The following TRPM1 variants were observed in gnomAD, a reference collection of about 807,000 sequenced individuals.
TRPM1 encodes transient receptor potential cation channel subfamily M member 1, also known as TRPM1-203 APA Isoform, Intron 10.
TRPM1 carries 113 observed loss-of-function variants against 149.4 expected under a neutral mutation model. The ratio of observed to expected loss-of-function variants is 0.76; its 90% CI spans 0.65 to 0.88. The LOEUF is 0.88. Ranked by LOEUF, TRPM1 falls within the 40% of genes least tolerant of loss-of-function variation. The probability of loss-of-function intolerance (pLI) is 0.00; values close to 1 mark genes in which losing one functional copy is unlikely to be tolerated. For synonymous variants in TRPM1, 741 were observed against 759.5 expected (o/e 0.98, Z 0.40); for missense variants, 1,976 against 2,038.7 (o/e 0.97, Z 0.59).
intron 1 of TRPM1, among the ~76,000 whole-genome samples, chr15:31,123,906 TTCA>T (rs3079757): frequency 0.56 from 84,254 of 151,788 alleles, 24,565 homozygotes; most frequent in African/African-American, 0.7. Context: ...GACAGCTTTA[TTCA>T]TCATAATTGC....
chr15:31,035,479 G>C lies in TRPM1; in HGVS notation c.2700+67C>G, dbSNP rs553544033. Reference sequence around the variant, plus strand: ...ATAATTTGCATGAAACGTTTTTTCAGTAAGGAGCCATATCTGCATTTGCAG... The same window carrying C: ...ATAATTTGCATGAAACGTTTTTTCACTAAGGAGCCATATCTGCATTTGCAG... On this transcript the variant is annotated intron_variant, in intron 21 of 27. Transcript: ENST00000256552. The C allele has an allele frequency of 7.5e-6, 12 of 1,609,860 alleles. No homozygotes were observed. The African/African-American group carries it at 1.3e-4, about 18-fold the overall frequency.
At chr15:31,138,508 T>C (rs961519329) in intron 1 of TRPM1, among the ~76,000 whole-genome samples, 2 of 152,182 alleles carry the variant, frequency 1.3e-5, no homozygotes, top group Admixed American at 6.5e-5. Flanking sequence ...TTGCCCTATT[T>C]ATTCAAGGGC....
intron 9 of TRPM1, 148 bp from the exon 10 acceptor site, chr15:31,061,662 TTTTTC>T (rs2034235898): frequency 1.4e-6 from 1 of 720,048 alleles, no homozygotes; most frequent in Admixed American, 2.6e-5. Flanking sequence ...TGATTTCTTT[TTTTTC>T]TTTTCTTTTT....
chr15:31,114,345 G>A lies in TRPM1; in HGVS notation c.55-37361C>T, dbSNP rs113716792. ...TCATCCATGTCCCTGCAAAGGACATGATCTTGTTCTTTTTTATGGCTGCCT... is the reference window on the plus strand; with the variant it reads ...TCATCCATGTCCCTGCAAAGGACATAATCTTGTTCTTTTTTATGGCTGCCT... On this transcript the variant is annotated intron_variant, in intron 1 of 26. Coordinates refer to the TRPM1 transcript ENST00000542188. 7.9e-3 allele frequency among the ~76,000 whole-genome samples: 1,206 copies of A among 152,266 alleles called. 17 individuals are homozygous for A. The highest frequency in any genetic ancestry group is 0.028 in the African/African-American group (1,152 of 41,554).
At chr15:31,087,884 T>C (rs1329195644) in intron 1 of TRPM1, among the ~76,000 whole-genome samples, 2 of 152,190 alleles carry the variant, frequency 1.3e-5, no homozygotes, top group African/African-American at 4.8e-5. Context: ...TTTTCCATTT[T>C]CTAAGATGAA....
At position 31,124,049 on chromosome 15, in the gene TRPM1, C is replaced by A. The variant is rs527517680; in HGVS notation, c.54+36857G>T. Among the ~76,000 whole-genome samples, 324 of 152,192 alleles carry A rather than the reference C, an allele frequency of 2.1e-3. 1 individual carries two copies. Among genetic ancestry groups the A allele is most frequent in the Non-Finnish European group, 3.1e-3 (211 of 68,006 alleles). ...TGTGGTACCCAGTACTTTGGGAGGC[C>A]AAAGTGGGCATGTCGTCTGAGGTTA... On this transcript the variant is annotated intron_variant, in intron 1 of 26. Transcript: ENST00000542188.
intron 1 of TRPM1, among the ~76,000 whole-genome samples, chr15:31,092,652 T>C (rs2141003767): frequency 6.6e-6 from 1 of 152,224 alleles, no homozygotes; most frequent in Non-Finnish European, 1.5e-5. Context: ...CACACTGAGG[T>C]TTACTGGAAA....
In TRPM1 at chr15:31,002,959, G is replaced by A. The variant is rs375722162; in HGVS notation, c.3741C>T (p.Asn1247=). The change falls in exon 28 of 28, where the codon AAC becomes AAT. Residue 1247 remains asparagine (N), a synonymous_variant. Coordinates refer to ENST00000256552, the MANE Select transcript of TRPM1 (RefSeq NM_001252024.2). ...LRLAQLEELS[N]RMVNALENLA... ...GATTTTCAAGAGCATTCACCATTCT[G>A]TTAGATAATTCTTCTAGCTGAGCAA... 68 of 1,600,032 alleles carry A rather than the reference G, an allele frequency of 4.2e-5. No homozygotes were observed. The African/African-American group carries it at 7.8e-4, about 18-fold the overall frequency.
chr15:31,090,763 T>C (rs2141000899), intron 1 of TRPM1, among the ~76,000 whole-genome samples: 1 of 152,196 alleles, frequency 6.6e-6, no homozygotes, highest in East Asian at 1.9e-4. Context: ...AAAGTGGCTC[T>C]TTTTTTAAAA....
rs773716166 is a variant in TRPM1, at chr15:31,063,074, A to C, written c.965+44T>G. ...AGATTTTCTCCTTGGCCCGACAAAGAGGGAGTTACGAACCCGCCCTTCCTC... is the reference window on the plus strand; with the variant it reads ...AGATTTTCTCCTTGGCCCGACAAAGCGGGAGTTACGAACCCGCCCTTCCTC... On this transcript the variant is annotated intron_variant, in intron 8 of 27. Coordinates refer to ENST00000256552, the MANE Select transcript of TRPM1 (RefSeq NM_001252024.2). The C allele has an allele frequency of 5.0e-6, 8 of 1,612,584 alleles. No homozygotes were observed. The African/African-American group carries it at 1.1e-4, about 22-fold the overall frequency.
chr15:31,120,734 A>T (rs1030135681), intron 1 of TRPM1, among the ~76,000 whole-genome samples: 7 of 152,020 alleles, frequency 4.6e-5, no homozygotes, highest in African/African-American at 1.7e-4. Flanking sequence ...CCAAAAAAAA[A>T]AAAATTACTG....
chr15:31,120,540 C>A (rs997996855), intron 1 of TRPM1, among the ~76,000 whole-genome samples: 5 of 152,128 alleles, frequency 3.3e-5, no homozygotes, highest in Non-Finnish European at 7.4e-5. Context: ...ACAGTACTAT[C>A]TATTAACTTA....
At chr15:31,115,769 G>A (rs2035789453) in intron 1 of TRPM1, among the ~76,000 whole-genome samples, 1 of 151,416 alleles carries the variant, frequency 6.6e-6, no homozygotes, top group Non-Finnish European at 1.5e-5. Context: ...CATTATCAGA[G>A]CCTGTCTTAG....
In TRPM1 at chr15:31,028,324, A is replaced by T. The variant is rs745652585; in HGVS notation, c.3293+8T>A. 1 of 1,614,124 alleles carries T rather than the reference A, an allele frequency of 6.2e-7. No individual in the cohort carries two copies. The highest frequency in any genetic ancestry group is 1.1e-5 in the South Asian group (1 of 91,080). ...AATAAGCATGTGGTCATCGGCTGTG[A>T]CACGTACTTGAACACAGCAATCAGC... On this transcript the variant is annotated splice_region_variant and intron_variant, in intron 25 of 27. Coordinates refer to ENST00000256552, the MANE Select transcript of TRPM1 (RefSeq NM_001252024.2).
chr15:31,014,462 C>G (rs181811588), intron 27 of TRPM1, among the ~76,000 whole-genome samples: 2 of 152,316 alleles, frequency 1.3e-5, no homozygotes, highest in African/African-American at 4.8e-5. Context: ...GGTGACTACT[C>G]AACTGGAGAG....
intron 11 of TRPM1, among the ~76,000 whole-genome samples, chr15:31,058,416 T>G (rs2034141915): frequency 6.6e-6 from 1 of 152,216 alleles, no homozygotes; most frequent in Non-Finnish European, 1.5e-5. Flanking sequence ...CAGGACTACC[T>G]TCCCTTCTCC....
chr15:31,117,651 GA>G (rs3080917), intron 1 of TRPM1, among the ~76,000 whole-genome samples: 78,830 of 131,168 alleles, frequency 0.6, 23,071 homozygotes, highest in East Asian at 0.75. Context: ...CTGTCTCAAA[GA>G]AAAAAAAAAA....
chr15:31,043,312 C>A (rs1274301742), intron 16 of TRPM1, among the ~76,000 whole-genome samples: 1 of 152,160 alleles, frequency 6.6e-6, no homozygotes, highest in African/African-American at 2.4e-5. Context: ...TCCTGCCTCA[C>A]CTCTGGAGTA....
intron 1 of TRPM1, among the ~76,000 whole-genome samples, chr15:31,088,912 G>A (rs947808761): frequency 1.3e-5 from 2 of 152,118 alleles, no homozygotes; most frequent in Admixed American, 6.5e-5. Flanking sequence ...CCTACCAGAA[G>A]TCTGGTGGCA....
Sources: allele counts gnomAD v4.1 joint callset (sites outside exome capture counted in the v4.1 genomes callset), GRCh38; gene constraint gnomAD v4.1.1; transcripts MANE v1.5; gene names NCBI Gene and HGNC (gene_info 2026-07-23, HGNC 2026-07-21).